Variants in ZNF804B observed in about 807,000 individuals in gnomAD.
The protein encoded by ZNF804B is zinc finger protein 804B, also known as zinc finger 804B.
In ZNF804B, 80 loss-of-function variants were observed where a neutral mutation model predicts 101.4. That is an observed-to-expected ratio of 0.79 (90% confidence interval 0.66 to 0.95). ZNF804B has a LOEUF of 0.95. ZNF804B is among the 40% of genes least tolerant of loss of function. The probability of loss-of-function intolerance (pLI) is 0.00; values close to 1 mark genes in which losing one functional copy is unlikely to be tolerated. For synonymous variants in ZNF804B, 622 were observed against 558.8 expected, an observed-to-expected ratio of 1.11 and a Z score of -1.59; for missense variants, 1,673 against 1,561.9, an observed-to-expected ratio of 1.07 and a Z score of -1.20.
At chr7:89,092,500 C>T (rs1362557200) in intron 1 of ZNF804B, among the ~76,000 whole-genome samples, 3 of 149,630 alleles carry the variant, frequency 2.0e-5, no homozygotes, top group Non-Finnish European at 3.0e-5. Flanking sequence ...GCAAGCTCCG[C>T]CTCCCGAGTT....
intron 1 of ZNF804B, among the ~76,000 whole-genome samples, chr7:89,187,575 A>C (rs1189190107): frequency 6.6e-6 from 1 of 152,192 alleles, no homozygotes; most frequent in Non-Finnish European, 1.5e-5. Context: ...CATAAAATTT[A>C]CTGTAATCTC....
chr7:88,831,952 T>C (rs1462727789), intron 1 of ZNF804B, among the ~76,000 whole-genome samples: 1 of 151,918 alleles, frequency 6.6e-6, no homozygotes, highest in Non-Finnish European at 1.5e-5. Context: ...TATTAATCTT[T>C]TGTGTTTTAA....
Position 89,297,908 on chromosome 7 carries a change from T to A in ZNF804B, c.250-29436T>A, listed in dbSNP as rs75823967. On this transcript the variant is annotated intron_variant, in intron 2 of 3. Coordinates refer to ENST00000333190, the MANE Select transcript of ZNF804B (RefSeq NM_181646.5). ...CCCCATATTCAAATTCCATAAACTGTATCAATAATATTCTTTAGAGATATT... is the reference window on the plus strand; with the variant it reads ...CCCCATATTCAAATTCCATAAACTGAATCAATAATATTCTTTAGAGATATT... Among the ~76,000 whole-genome samples, 61 of 151,266 alleles carry A rather than the reference T, an allele frequency of 4.0e-4. 3 individuals are homozygous for A. In the East Asian group the frequency reaches 0.012, roughly 30 times the overall value.
intron 1 of ZNF804B, among the ~76,000 whole-genome samples, chr7:88,896,683 G>A (rs987197297): frequency 2.6e-5 from 4 of 152,112 alleles, no homozygotes; most frequent in Admixed American, 1.3e-4. Flanking sequence ...TTCTCTGGGA[G>A]GTAATACTTA....
At chr7:88,888,750 C>T (rs968800227) in intron 1 of ZNF804B, among the ~76,000 whole-genome samples, 13 of 152,042 alleles carry the variant, frequency 8.6e-5, no homozygotes, top group Non-Finnish European at 1.6e-4. Flanking sequence ...ATTGTAATCC[C>T]TGACCCTGTT....
At position 89,253,507 on chromosome 7, in the gene ZNF804B, A is replaced by G. The variant is rs922512165; in HGVS notation, c.249+35212A>G. Among the ~76,000 whole-genome samples, 8 of 152,292 alleles carry G rather than the reference A, an allele frequency of 5.3e-5. No individual in the cohort carries two copies. The East Asian group carries it at 5.8e-4, about 11-fold the overall frequency. ...ATGAAATGAATACATTCTCATAAAA[A>G]TTGATTTCACCGAAACTGATTCCAG... On this transcript the variant is annotated intron_variant, in intron 2 of 3. Transcript: ENST00000333190.
chr7:88,814,696 G>A (rs80146265), intron 1 of ZNF804B, among the ~76,000 whole-genome samples: 4,010 of 152,062 alleles, frequency 0.026, 150 homozygotes, highest in African/African-American at 0.079. Flanking sequence ...TTAAAAAATG[G>A]GAATAGATGC....
chr7:88,904,592 A>AT (rs1265202472), intron 1 of ZNF804B, among the ~76,000 whole-genome samples: 1 of 151,998 alleles, frequency 6.6e-6, no homozygotes, highest in Non-Finnish European at 1.5e-5. Flanking sequence ...AGCATGGAAT[A>AT]TTTTTTATTT....
intron 1 of ZNF804B, among the ~76,000 whole-genome samples, chr7:89,094,143 A>G (rs1299182821): frequency 6.6e-6 from 1 of 152,218 alleles, no homozygotes; most frequent in Admixed American, 6.5e-5. Flanking sequence ...ATTGCAAGCT[A>G]TTGAATTGTA....
chr7:89,238,385 G>A (rs1318535462), intron 2 of ZNF804B, among the ~76,000 whole-genome samples: 2 of 152,058 alleles, frequency 1.3e-5, no homozygotes, highest in Admixed American at 6.6e-5. Context: ...ATCTGTGAGT[G>A]GGTCATGACT....
At chr7:89,213,580 T>A (rs1056719765) in intron 1 of ZNF804B, among the ~76,000 whole-genome samples, 2 of 152,238 alleles carry the variant, frequency 1.3e-5, no homozygotes, top group Non-Finnish European at 2.9e-5. Flanking sequence ...TATGCATTTT[T>A]AAAATTATAA....
intron 1 of ZNF804B, among the ~76,000 whole-genome samples, chr7:88,933,669 C>A (rs1364158037): frequency 1.3e-5 from 2 of 151,702 alleles, no homozygotes; most frequent in African/African-American, 4.8e-5. Context: ...AAATCATGAA[C>A]TCAATCCATT....
At chr7:89,196,700 G>T (rs1301857549) in intron 1 of ZNF804B, among the ~76,000 whole-genome samples, 1 of 151,986 alleles carries the variant, frequency 6.6e-6, no homozygotes, top group Non-Finnish European at 1.5e-5. Context: ...CCTACAAAAT[G>T]GGAGAACATT....
chr7:89,302,981 G>A (rs1243245566), intron 2 of ZNF804B, among the ~76,000 whole-genome samples: 7 of 152,012 alleles, frequency 4.6e-5, no homozygotes, highest in Non-Finnish European at 8.8e-5. Context: ...CTTTGAAAAC[G>A]TTGGTAGTGT....
At chr7:88,974,042 CAAT>C (rs1262203115) in intron 1 of ZNF804B, among the ~76,000 whole-genome samples, 2 of 151,196 alleles carry the variant, frequency 1.3e-5, no homozygotes, top group African/African-American at 4.8e-5. Context: ...TAATTTCTGA[CAAT>C]AATCCAAAGT....
At chr7:89,262,682 T>C (rs1789728539) in intron 2 of ZNF804B, among the ~76,000 whole-genome samples, 1 of 152,204 alleles carries the variant, frequency 6.6e-6, no homozygotes, top group Non-Finnish European at 1.5e-5. Flanking sequence ...CTCCAGAATA[T>C]TTGTGTGCCC....
intron 1 of ZNF804B, among the ~76,000 whole-genome samples, chr7:88,874,411 T>C (rs1480735720): frequency 1.3e-5 from 2 of 151,886 alleles, no homozygotes; most frequent in Non-Finnish European, 2.9e-5. Context: ...TCATGTCGTC[T>C]GCAAACAGGG....
At chr7:89,047,848 AG>A (rs2116259489) in intron 1 of ZNF804B, among the ~76,000 whole-genome samples, 1 of 152,250 alleles carries the variant, frequency 6.6e-6, no homozygotes, top group Non-Finnish European at 1.5e-5. Flanking sequence ...TAGGCAAAAA[AG>A]GAAGGGCAGC....
At chr7:88,882,318 A>T (rs1194361327) in intron 1 of ZNF804B, among the ~76,000 whole-genome samples, 1 of 152,156 alleles carries the variant, frequency 6.6e-6, no homozygotes, top group Non-Finnish European at 1.5e-5. Flanking sequence ...TAAAACCACA[A>T]TGAAATACCA....
Sources: allele counts gnomAD v4.1 joint callset (sites outside exome capture counted in the v4.1 genomes callset), GRCh38; gene constraint gnomAD v4.1.1; transcripts MANE v1.5; gene names NCBI Gene and HGNC (gene_info 2026-07-23, HGNC 2026-07-21).